HAPLN2: variants seen among roughly 807,000 people sequenced by gnomAD.
HAPLN2 encodes brain link protein-1.
Under a neutral mutation model 29.3 loss-of-function variants are expected in HAPLN2, and 27 were observed. The observed-to-expected ratio is 0.92, with a 90% CI of 0.68 to 1.27. The LOEUF (loss-of-function observed/expected upper bound fraction) is 1.27. Ranked by LOEUF, HAPLN2 falls within the 50% of genes most tolerant of loss-of-function variation. The probability of loss-of-function intolerance (pLI) is 0.00; values close to 1 mark genes in which losing one functional copy is unlikely to be tolerated. For synonymous variants in HAPLN2, 208 were observed against 211.7 expected (o/e 0.98, Z 0.15); for missense variants, 454 against 484.3 (o/e 0.94, Z 0.59).
intron 6 of HAPLN2, 133 bp downstream of exon 6, chr1:156,624,916 C>G: frequency 9.8e-7 from 1 of 1,020,936 alleles, no homozygotes; most frequent in East Asian, 2.8e-5. Flanking sequence ...TCAGCCCGCC[C>G]GCCCGCCCAG....
At chr1:156,613,876 C>T in the HAPLN2 span, among the ~76,000 whole-genome samples, 1 of 137,212 alleles carries the variant, frequency 7.3e-6, no homozygotes. Context: ...AAGATCATGC[C>T]ACTGCACTTC....
At chr1:156,619,041 G>A (rs190309510), upstream of HAPLN2, among the ~76,000 whole-genome samples, 109 of 152,214 alleles carry the variant, frequency 7.2e-4, 1 homozygote, top group Admixed American at 4.3e-3. Context: ...TGCAATGCTA[G>A]CCACTCCCTC....
At chr1:156,624,572 T>C (rs12405992) in intron 5 of HAPLN2, 29 bp from the exon 6 acceptor site, 396,819 of 1,606,272 alleles carry the variant, frequency 0.25, 53,426 homozygotes, top group South Asian at 0.48. Flanking sequence ...TGACGCCTCT[T>C]ATCCCCGACC....
In HAPLN2 at chr1:156,624,595, C is replaced by T. The variant is rs1446351326; in HGVS notation, c.557-6C>T. 3 of 1,611,636 alleles carry T rather than the reference C, an allele frequency of 1.9e-6. No individual in the cohort carries two copies. Among genetic ancestry groups the T allele is most frequent in the East Asian group, 2.2e-5 (1 of 44,818 alleles). ...CTTATCCCCGACCTCCGCCGTCTCC[C>T]GCCAGCTTGGACCGAGGGTCTGGAC... On this transcript the variant is annotated splice_polypyrimidine_tract_variant and splice_region_variant and intron_variant, in intron 5 of 6. Coordinates refer to ENST00000255039, the MANE Select transcript of HAPLN2 (RefSeq NM_021817.3).
chr1:156,605,708 G>A, the HAPLN2 span, among the ~76,000 whole-genome samples: 337 of 150,926 alleles, frequency 2.2e-3, 3 homozygotes, highest in African/African-American at 8.0e-3. Context: ...TTACTACAAA[G>A]CTACAGACTG....
the HAPLN2 span, among the ~76,000 whole-genome samples, chr1:156,605,306 T>A: frequency 6.7e-6 from 1 of 149,416 alleles, no homozygotes; most frequent in African/African-American, 2.5e-5. Flanking sequence ...AGAATAGAAA[T>A]GTAGGCCGGG....
In HAPLN2 at chr1:156,624,731, C is replaced by G; in HGVS notation, c.687C>G (p.Arg229=). 6.4e-7 allele frequency: 1 copy of G among 1,561,722 alleles called. No homozygotes were observed. ...GRPGIRSYGP[R]DRMRDRYDAF... is the part of the protein sequence containing the mutation. ...CCGGGATCCGCAGCTACGGACCCCG[C>G]GACCGGATGCGCGACCGCTACGACG... The change falls in exon 6 of 7, where the codon CGC becomes CGG. Residue 229 remains arginine, a synonymous_variant. Transcript: ENST00000255039.
chr1:156,620,701 G>A (rs1214920472), intron 2 of HAPLN2, among the ~76,000 whole-genome samples: 1 of 152,148 alleles, frequency 6.6e-6, no homozygotes, highest in Non-Finnish European at 1.5e-5. Context: ...CCATTCTTTA[G>A]ATTTCTGGCA....
chr1:156,623,079 A>AATAAATAT (rs1678303415), intron 2 of HAPLN2, among the ~76,000 whole-genome samples: 1 of 142,262 alleles, frequency 7.0e-6, no homozygotes, highest in Non-Finnish European at 1.6e-5. Context: ...TAAATAAATA[A>AATAAATAT]AATAAAAAAG....
At chr1:156,624,896 C>A in intron 6 of HAPLN2, 113 bp downstream of exon 6, 1 of 1,305,400 alleles carries the variant, frequency 7.7e-7, no homozygotes, top group Non-Finnish European at 1.0e-6. Context: ...TCCAAGGCAC[C>A]GCCCCCCCAT....
At chr1:156,623,045 T>TAAAAAAA (rs1553235342) in intron 2 of HAPLN2, among the ~76,000 whole-genome samples, 1 of 102,948 alleles carries the variant, frequency 9.7e-6, no homozygotes, top group Non-Finnish European at 2.0e-5. Context: ...AAAAAATAAA[T>TAAAAAAA]AAATAAATAA....
Position 156,624,595 on chromosome 1 carries a change from C to A in HAPLN2, c.557-6C>A. 6.2e-7 allele frequency: 1 copy of A among 1,611,752 alleles called. No homozygotes were observed. The highest frequency in any genetic ancestry group is 8.5e-7 in the Non-Finnish European group (1 of 1,179,168). ...CTTATCCCCGACCTCCGCCGTCTCC[C>A]GCCAGCTTGGACCGAGGGTCTGGAC... On this transcript the variant is annotated splice_polypyrimidine_tract_variant and splice_region_variant and intron_variant, in intron 5 of 6. Coordinates refer to ENST00000255039, the MANE Select transcript of HAPLN2 (RefSeq NM_021817.3).
chr1:156,602,586 G>C, the HAPLN2 span, among the ~76,000 whole-genome samples: 2 of 148,834 alleles, frequency 1.3e-5, no homozygotes, highest in South Asian at 4.3e-4. Flanking sequence ...GCCGGGCATG[G>C]TGGTGCACGC....
the HAPLN2 span, chr1:156,601,522 C>G: frequency 6.7e-7 from 1 of 1,491,002 alleles, no homozygotes; most frequent in Non-Finnish European, 9.2e-7. Context: ...TAGAGACGTC[C>G]GCGGGAACCA....
the HAPLN2 span, among the ~76,000 whole-genome samples, chr1:156,611,050 G>T: frequency 6.6e-6 from 1 of 152,126 alleles, no homozygotes; most frequent in Non-Finnish European, 1.5e-5. Context: ...GGGAGGCCAA[G>T]GTGGGTGGGT....
chr1:156,603,286 A>T, the HAPLN2 span, among the ~76,000 whole-genome samples: 1 of 149,810 alleles, frequency 6.7e-6, no homozygotes, highest in African/African-American at 2.5e-5. Context: ...GGCTCAAATG[A>T]TCCTCCTGCC....
intron 6 of HAPLN2, 126 bp from the exon 7 acceptor site, chr1:156,624,975 C>G: frequency 7.9e-7 from 1 of 1,264,522 alleles, no homozygotes; most frequent in Non-Finnish European, 1.1e-6. Flanking sequence ...CCTCGATCCC[C>G]CAACTCCTCT....
At chr1:156,614,378 C>T (rs935001839), upstream of HAPLN2, among the ~76,000 whole-genome samples, 1 of 152,084 alleles carries the variant, frequency 6.6e-6, no homozygotes, top group Admixed American at 6.5e-5. Context: ...GCACGCGCCA[C>T]CACACCCAGC....
the HAPLN2 span, among the ~76,000 whole-genome samples, chr1:156,613,081 T>C: frequency 6.6e-6 from 1 of 152,226 alleles, no homozygotes; most frequent in African/African-American, 2.4e-5. Flanking sequence ...CCAGGCATGG[T>C]GGCTCACGCC....
Sources: allele counts gnomAD v4.1 joint callset (sites outside exome capture counted in the v4.1 genomes callset), GRCh38; gene constraint gnomAD v4.1.1; transcripts MANE v1.5; gene names NCBI Gene and HGNC (gene_info 2026-07-23, HGNC 2026-07-21).